The following MYH15 variants were observed in gnomAD, a reference collection of about 807,000 sequenced individuals.
MYH15 encodes myosin heavy chain 15.
Under a neutral mutation model 240.5 loss-of-function variants are expected in MYH15, and 227 were observed. The ratio of observed to expected loss-of-function variants is 0.94; its 90% CI spans 0.85 to 1.05. The LOEUF (loss-of-function observed/expected upper bound fraction) is 1.05. Among genes scored for constraint, MYH15 ranks in the 50% least tolerant of loss-of-function variants. The pLI is 0.00. For synonymous variants in MYH15, 785 were observed against 796.7 expected (o/e 0.99, Z 0.25); for missense variants, 2,217 against 2,247.5 (o/e 0.99, Z 0.27).
chr3:108,444,520 A>T, intron 22 of MYH15, 120 bp downstream of exon 22: 1 of 1,159,712 alleles, frequency 8.6e-7, no homozygotes, highest in Non-Finnish European at 1.2e-6. Context: ...GTTTTATAAA[A>T]TCCTTTGGTA....
intron 14 of MYH15, 99 bp downstream of exon 14, chr3:108,469,943 C>G: frequency 8.3e-7 from 1 of 1,205,698 alleles, no homozygotes; most frequent in Non-Finnish European, 1.1e-6. Flanking sequence ...CCCCCATTTC[C>G]CATCCTCTGA....
At chr3:108,529,693 T>C (rs550268799), upstream of MYH15, among the ~76,000 whole-genome samples, 24 of 152,244 alleles carry the variant, frequency 1.6e-4, no homozygotes, top group South Asian at 4.1e-3. Context: ...TATGATACAA[T>C]GGGTTTAAAT....
At chr3:108,544,170 A>AAAACAG in the MYH15 span, among the ~76,000 whole-genome samples, 1 of 152,182 alleles carries the variant, frequency 6.6e-6, no homozygotes, top group East Asian at 1.9e-4. Flanking sequence ...TTTGCATGTT[A>AAAACAG]AAACAGAAAG....
At chr3:108,542,194 C>A in the MYH15 span, among the ~76,000 whole-genome samples, 1 of 151,970 alleles carries the variant, frequency 6.6e-6, no homozygotes, top group East Asian at 1.9e-4. Context: ...CCCCTGGCAC[C>A]CCTATTATTT....
Position 108,441,007 on chromosome 3 carries a change from G to A in MYH15, c.2898+11C>T, listed in dbSNP as rs373168898. ...GCTAGGCCTTCTTAACTAACATTAT[G>A]GAAAAAGTACCTTGTGCTCTGTAGT... is the stretch of plus-strand genomic sequence containing the variant. On this transcript the variant is annotated intron_variant, in intron 23 of 40. Transcript: ENST00000693548. 8.1e-6 allele frequency: 13 copies of A among 1,612,726 alleles called. No individual in the cohort carries two copies. Among genetic ancestry groups the A allele is most frequent in the African/African-American group, 1.3e-5 (1 of 74,872 alleles).
chr3:108,458,162 T>C (rs1467330591), intron 18 of MYH15, among the ~76,000 whole-genome samples: 4 of 152,216 alleles, frequency 2.6e-5, no homozygotes, highest in Non-Finnish European at 5.9e-5. Context: ...GATTAGATCA[T>C]GAAGCTTTTC....
In MYH15 at chr3:108,459,420, C is replaced by T. The variant is rs746852355; in HGVS notation, c.1962G>A (p.Leu654=). The change falls in exon 18 of 41, where the codon CTG becomes CTA. Residue 654 remains leucine (L), a synonymous_variant. Coordinates refer to ENST00000693548, the MANE Select transcript of MYH15 (RefSeq NM_014981.3). The stretch of plus-strand genomic sequence containing the variant: ...TCACAAAATGAGGTGCTGTTGATTT[C>T]AGATTAGTCATCAATTTATTCAGGT... ...KENLNKLMTN[L]KSTAPHFVRC... 4 of 1,604,918 alleles carry T rather than the reference C, an allele frequency of 2.5e-6. No homozygotes were observed. Among genetic ancestry groups the T allele is most frequent in the Non-Finnish European group, 3.4e-6 (4 of 1,176,786 alleles).
At chr3:108,441,330 T>G (rs887279229) in intron 22 of MYH15, 70 bp from the exon 23 acceptor site, 2 of 1,554,122 alleles carry the variant, frequency 1.3e-6, no homozygotes, top group African/African-American at 2.7e-5. Context: ...AAATGCTGCT[T>G]AACACACAGC....
chr3:108,419,093 C>A (rs991687516), intron 28 of MYH15, among the ~76,000 whole-genome samples: 12 of 152,138 alleles, frequency 7.9e-5, no homozygotes, highest in African/African-American at 2.9e-4. Flanking sequence ...AAATATAAAT[C>A]CACTAGCTGG....
At chr3:108,486,594 A>G (rs1363193946) in intron 9 of MYH15, 68 bp from the exon 10 acceptor site, 3 of 1,074,758 alleles carry the variant, frequency 2.8e-6, no homozygotes, top group African/African-American at 1.6e-5. Context: ...ATAATTGGTC[A>G]ATATTCGCAG....
upstream of MYH15, among the ~76,000 whole-genome samples, chr3:108,532,422 G>C (rs1217852180): frequency 6.6e-6 from 1 of 152,054 alleles, no homozygotes; most frequent in East Asian, 1.9e-4. Context: ...CTGGTCTTTG[G>C]ACTCTGACTA....
chr3:108,442,231 TG>T (rs971311546), intron 22 of MYH15, among the ~76,000 whole-genome samples: 10 of 149,602 alleles, frequency 6.7e-5, no homozygotes, highest in Non-Finnish European at 1.2e-4. Context: ...AGATCAAGAG[TG>T]GGGGGCTGGG....
chr3:108,521,111 T>C (rs1437916972), intron 1 of MYH15, among the ~76,000 whole-genome samples: 2 of 152,078 alleles, frequency 1.3e-5, no homozygotes, highest in East Asian at 3.9e-4. Flanking sequence ...CATTTGGTTC[T>C]TTAATTTCTT....
In MYH15 at chr3:108,476,909, T is replaced by A. The variant is rs550282865; in HGVS notation, c.1115-394A>T. On this transcript the variant is annotated intron_variant, in intron 11 of 40. Transcript: ENST00000693548. ...GTGTGTATTTGCCGTGAGAAACAGT[T>A]TGACAGTTACTCTGAAGTTAATCAT... 3.3e-5 allele frequency among the ~76,000 whole-genome samples: 5 copies of A among 152,198 alleles called. No homozygotes were observed. The South Asian group carries it at 1.0e-3, about 32-fold the overall frequency.
chr3:108,455,885 T>C (rs2083015728), intron 19 of MYH15, 26 bp from the exon 20 acceptor site: 1 of 1,597,834 alleles, frequency 6.3e-7, no homozygotes, highest in East Asian at 2.2e-5. Context: ...GAAAAAATCA[T>C]GAGTTTGGGA....
At chr3:108,474,871 C>A (rs1018699395) in intron 12 of MYH15, among the ~76,000 whole-genome samples, 1 of 152,104 alleles carries the variant, frequency 6.6e-6, no homozygotes, top group African/African-American at 2.4e-5. Flanking sequence ...GGAGCACTTA[C>A]GGCTTACAGG....
chr3:108,396,380 C>T (rs1406737406), intron 35 of MYH15, among the ~76,000 whole-genome samples: 1 of 151,994 alleles, frequency 6.6e-6, no homozygotes, highest in African/African-American at 2.4e-5. Context: ...ACTGTTCCAC[C>T]TCAGATTATG....
intron 11 of MYH15, among the ~76,000 whole-genome samples, chr3:108,477,787 T>A (rs2083233634): frequency 6.6e-6 from 1 of 152,162 alleles, no homozygotes; most frequent in Admixed American, 6.6e-5. Flanking sequence ...AATTGTTTTA[T>A]GAAACAAAGC....
Position 108,381,247 on chromosome 3 carries a change from A to C in MYH15, c.*298T>G. 2.2e-6 allele frequency: 1 copy of C among 453,256 alleles called. No individual in the cohort carries two copies. The highest frequency in any genetic ancestry group is 4.0e-6 in the Non-Finnish European group (1 of 249,728). 28.1% of individuals were successfully genotyped at this position (453,256 alleles called of 1,614,324 possible). A position where few individuals can be genotyped will look rare whatever the true frequency, so the allele number is the denominator to read the frequency against. ...ACCCATTAAGAGGAAATATGGACAA[A>C]GGATCAAGTATTTATTCATTTTTTA... On this transcript the variant is annotated 3_prime_UTR_variant, in exon 41 of 41. Transcript: ENST00000693548.
Sources: allele counts gnomAD v4.1 joint callset (sites outside exome capture counted in the v4.1 genomes callset), GRCh38; gene constraint gnomAD v4.1.1; transcripts MANE v1.5; gene names NCBI Gene and HGNC (gene_info 2026-07-23, HGNC 2026-07-21).